The following ZDHHC12 variants were observed in gnomAD, a reference collection of about 807,000 sequenced individuals.
ZDHHC12 encodes the protein palmitoyltransferase ZDHHC12.
In ZDHHC12, 26 loss-of-function variants were observed where a neutral mutation model predicts 33.2. That is an observed-to-expected ratio of 0.78 (90% confidence interval 0.57 to 1.09). The LOEUF (loss-of-function observed/expected upper bound fraction) is 1.09, where lower values mean the gene tolerates loss of function less well. Among genes scored for constraint, ZDHHC12 ranks in the 50% least tolerant of loss-of-function variants. ZDHHC12 has a pLI of 0.00. For synonymous variants in ZDHHC12, 154 were observed against 152.1 expected (o/e 1.01, Z -0.09); for missense variants, 350 against 353.0 (o/e 0.99, Z 0.07).
chr9:128,724,040 G>A lies in ZDHHC12; in HGVS notation c.54C>T (p.Thr18=), dbSNP rs144221145. The A allele has an allele frequency of 1.9e-4, 313 of 1,611,988 alleles. 1 individual carries two copies. The South Asian group carries it at 2.8e-3, about 15-fold the overall frequency. The change falls in exon 1 of 5, where the codon ACC becomes ACT. Residue 18 remains threonine (T), a synonymous_variant. Coordinates refer to ENST00000372663, the MANE Select transcript of ZDHHC12 (RefSeq NM_032799.5). ...SPGVLVRTGH[T]VLTWGITLVL... ...CCAGCGTGATTCCCCAGGTCAGCAC[G>A]GTGTGCCCGGTCCGCACCAGGACCC...
Position 128,721,199 on chromosome 9 carries a change from G to A in ZDHHC12, c.786C>T (p.Gly262=). The change falls in exon 5 of 5, where the codon GGC becomes GGT. Residue 262 remains glycine (G), a synonymous_variant. Transcript: ENST00000372663. This position sits in a 1 kb window ranked among gnomAD's most constrained non-coding sequence, Gnocchi z 6.9. ...AGCAACCCTAAACAGCTGGGCTGCT[G>A]CCCTCTTCCTCCTCCTCAGCCCAGA... ...ETLWAEEEEE[G]SSPAV is the part of the protein sequence containing the mutation. The A allele has an allele frequency of 6.3e-7, 1 of 1,589,548 alleles. No individual in the cohort carries two copies. The highest frequency in any genetic ancestry group is 8.5e-7 in the Non-Finnish European group (1 of 1,170,246).
chr9:128,721,226 G>A lies in ZDHHC12; in HGVS notation c.759C>T (p.Thr253=), dbSNP rs1189561435. The change falls in exon 5 of 5, where the codon ACC becomes ACT. Residue 253 remains threonine, a synonymous_variant. Coordinates refer to ENST00000372663, the MANE Select transcript of ZDHHC12 (RefSeq NM_032799.5). This position sits in a 1 kb window ranked among gnomAD's most constrained non-coding sequence, Gnocchi z 6.9. ...CCTCTTCCTCCTCCTCAGCCCAGAG[G>A]GTCTCCCAGGACCCTGAGGGCCATC... is the stretch of plus-strand genomic sequence containing the variant. The part of the protein sequence containing the change: ...FCGWPSGSWE[T]LWAEEEEEGS... 1.2e-6 allele frequency: 2 copies of A among 1,603,686 alleles called. No individual in the cohort carries two copies. The highest frequency in any genetic ancestry group is 2.2e-5 in the East Asian group (1 of 44,642).
rs574845378 is a variant in ZDHHC12, at chr9:128,722,275, T to G, written c.237+163A>C. On this transcript the variant is annotated intron_variant, in intron 2 of 4. Coordinates refer to ENST00000372663, the MANE Select transcript of ZDHHC12 (RefSeq NM_032799.5). This position sits in a 1 kb window ranked among gnomAD's most constrained non-coding sequence, Gnocchi z 4.2. ...CTGTGTATGTTTGCAAGTCTCTTCC[T>G]TCTCTGGGGCCCAGCAGTTTCCTCA... 2.0e-4 allele frequency among the ~76,000 whole-genome samples: 31 copies of G among 152,216 alleles called. No individual in the cohort carries two copies. The South Asian group carries it at 6.4e-3, about 32-fold the overall frequency.
Position 128,721,729 on chromosome 9 carries a change from C to T in ZDHHC12, c.404G>A (p.Gly135Glu). The T allele has an allele frequency of 6.2e-7, 1 of 1,613,914 alleles. No homozygotes were observed. The highest frequency in any genetic ancestry group is 8.5e-7 in the Non-Finnish European group (1 of 1,179,992). Residue 135 changes from glycine (G) to glutamate (E), a missense_variant, in exon 4 of 5, where the codon GGA becomes GAA. By Grantham distance (98) the Gly-to-Glu change is moderately conservative. Coordinates refer to ENST00000372663, the MANE Select transcript of ZDHHC12 (RefSeq NM_032799.5). This position sits in a 1 kb window ranked among gnomAD's most constrained non-coding sequence, Gnocchi z 6.9. ...CACAAAGAGTGGGTGGTTGCGCTCT[C>T]CCACACAGTTCTCCATCCAGGGGCA... ...HHCPWMENCV[G>E]ERNHPLFVVY...
chr9:128,722,030 G>A lies in ZDHHC12; in HGVS notation c.294C>T (p.Arg98=). The change falls in exon 3 of 5, where the codon CGC becomes CGT. Residue 98 remains arginine (R), a synonymous_variant. Transcript: ENST00000372663. The surrounding 1 kb of genome is among the most constrained non-coding windows in gnomAD (Gnocchi z 4.2). Reference sequence around the variant, plus strand: ...TCACCAGCACCAGGCAGTATCTGCAGCGCCGAAGAGGGATGGCTGGAGGAA... The same window carrying A: ...TCACCAGCACCAGGCAGTATCTGCAACGCCGAAGAGGGATGGCTGGAGGAA... ...AMVPPAIPLR[R]CRYCLVLQPL... is the part of the protein sequence containing the mutation. 1 of 1,614,082 alleles carries A rather than the reference G, an allele frequency of 6.2e-7. No homozygotes were observed. Among genetic ancestry groups the A allele is most frequent in the Non-Finnish European group, 8.5e-7 (1 of 1,180,002 alleles).
In ZDHHC12 at chr9:128,721,704, C is replaced by G. The variant is rs1169227081; in HGVS notation, c.429G>C (p.Val143=). Residue 143 remains valine, a synonymous_variant, in exon 4 of 5, where the codon GTG becomes GTC. Transcript: ENST00000372663. This position sits in a 1 kb window ranked among gnomAD's most constrained non-coding sequence, Gnocchi z 6.9. ...CCACCAGCTGCAGCGCCAGGTAGAC[C>G]ACAAAGAGTGGGTGGTTGCGCTCTC... The part of the protein sequence containing the change: ...CVGERNHPLF[V]VYLALQLVVL... 1.9e-6 allele frequency: 3 copies of G among 1,613,926 alleles called. No individual in the cohort carries two copies. In the East Asian group the frequency reaches 6.7e-5, roughly 36 times the overall value.
chr9:128,722,450 CTGCACAT>C lies in ZDHHC12; in HGVS notation c.218_224del (p.Asn73SerfsTer34). 2 of 1,522,498 alleles carry C rather than the reference CTGCACAT, an allele frequency of 1.3e-6. No individual in the cohort carries two copies. The highest frequency in any genetic ancestry group is 1.8e-6 in the Non-Finnish European group (2 of 1,131,654). 94.3% of individuals were successfully genotyped at this position (1,522,498 alleles called of 1,614,324 possible). The stretch of plus-strand genomic sequence containing the variant: ...GGCCCCTGGTTACCTGAGGCTGGGG[CTGCACAT>C]TCACGTAGCCAGGGTCCATGAGTGA... On this transcript the variant is annotated frameshift_variant, in exon 2 of 5. Coordinates refer to ENST00000372663, the MANE Select transcript of ZDHHC12 (RefSeq NM_032799.5). LOFTEE classifies it high-confidence loss of function. This position sits in a 1 kb window ranked among gnomAD's most constrained non-coding sequence, Gnocchi z 4.2.
Position 128,722,885 on chromosome 9 carries a change from AAGTG to A in ZDHHC12, c.101-315_101-312del, listed in dbSNP as rs886963866. On this transcript the variant is annotated intron_variant, in intron 1 of 4. Transcript: ENST00000372663. The surrounding 1 kb of genome is among the most constrained non-coding windows in gnomAD (Gnocchi z 4.2). ...AGAGTCGCTACAAAGGCCTGGCAGG[AAGTG>A]AGGGAGGAAGGAATGGACAGGGGGC... 1 of 665,308 alleles carries A rather than the reference AAGTG, an allele frequency of 1.5e-6. No individual in the cohort carries two copies. The highest frequency in any genetic ancestry group is 2.2e-6 in the Non-Finnish European group (1 of 464,032). The allele number at this position is 665,308 out of a possible 1,614,324, so 41.2% of individuals were successfully genotyped here.
In ZDHHC12 at chr9:128,723,762, G is replaced by A; in HGVS notation, c.100+232C>T. On this transcript the variant is annotated intron_variant, in intron 1 of 4. Transcript: ENST00000372663. The surrounding 1 kb of genome is among the most constrained non-coding windows in gnomAD (Gnocchi z 4.4). ...CACCGGCTGGGTCCTGGGATGGACA[G>A]GGCATTTGGCAATGATCAGGAAGAT... 1 of 661,564 alleles carries A rather than the reference G, an allele frequency of 1.5e-6. No individual in the cohort carries two copies. Among genetic ancestry groups the A allele is most frequent in the Admixed American group, 3.0e-5 (1 of 33,004 alleles). 41.0% of individuals were successfully genotyped at this position (661,564 alleles called of 1,614,324 possible).
In ZDHHC12 at chr9:128,721,215, T is replaced by A; in HGVS notation, c.770A>T (p.Glu257Val). ...TGGGCTGCTGCCCTCTTCCTCCTCCTCAGCCCAGAGGGTCTCCCAGGACCC... is the reference window on the plus strand; with the variant it reads ...TGGGCTGCTGCCCTCTTCCTCCTCCACAGCCCAGAGGGTCTCCCAGGACCC... ...PSGSWETLWA[E>V]EEEEGSSPAV is the part of the protein sequence containing the mutation. Residue 257 changes from glutamate to valine, a missense_variant, in exon 5 of 5, where the codon GAG (glutamate) becomes GTG (valine). Coordinates refer to ENST00000372663, the MANE Select transcript of ZDHHC12 (RefSeq NM_032799.5). The surrounding 1 kb of genome is among the most constrained non-coding windows in gnomAD (Gnocchi z 6.9). 1 of 1,600,284 alleles carries A rather than the reference T, an allele frequency of 6.2e-7. No homozygotes were observed. The highest frequency in any genetic ancestry group is 8.5e-7 in the Non-Finnish European group (1 of 1,174,652).
In ZDHHC12 at chr9:128,723,455, A is replaced by G. The variant is rs975042565; in HGVS notation, c.100+539T>C. 2.5e-5 allele frequency: 4 copies of G among 157,280 alleles called. No homozygotes were observed. Among genetic ancestry groups the G allele is most frequent in the Non-Finnish European group, 5.6e-5 (4 of 71,852 alleles). 9.7% of individuals were successfully genotyped at this position (157,280 alleles called of 1,614,324 possible). A position where few individuals can be genotyped will look rare whatever the true frequency, so the allele number is the denominator to read the frequency against. ...CGCTGGGTAGGGGGCTACTAAGAGG[A>G]ATGAGGGAAATGGAGGTGGGTGGGT... On this transcript the variant is annotated intron_variant, in intron 1 of 4. Coordinates refer to ENST00000372663, the MANE Select transcript of ZDHHC12 (RefSeq NM_032799.5). This position sits in a 1 kb window ranked among gnomAD's most constrained non-coding sequence, Gnocchi z 4.4.
At position 128,721,282 on chromosome 9, in the gene ZDHHC12, G is replaced by A. The variant is rs1862539017; in HGVS notation, c.703C>T (p.Leu235=). ...QRPSNPFDRG[L]TRNLAHFFCG... is the part of the protein sequence containing the mutation. ...AAGAAGTGGGCCAGGTTGCGGGTCAGGCCTCGGTCGAAGGGGTTGCTGGGG... is the reference window on the plus strand; with the variant it reads ...AAGAAGTGGGCCAGGTTGCGGGTCAAGCCTCGGTCGAAGGGGTTGCTGGGG... The change falls in exon 5 of 5, where the codon CTG becomes TTG. Residue 235 remains leucine, a synonymous_variant. Coordinates refer to ENST00000372663, the MANE Select transcript of ZDHHC12 (RefSeq NM_032799.5). The surrounding 1 kb of genome is among the most constrained non-coding windows in gnomAD (Gnocchi z 6.9). The A allele has an allele frequency of 1.3e-6, 2 of 1,599,032 alleles. No homozygotes were observed. The highest frequency in any genetic ancestry group is 1.7e-6 in the Non-Finnish European group (2 of 1,172,754).
At position 128,721,400 on chromosome 9, in the gene ZDHHC12, G is replaced by C. The variant is rs745461690; in HGVS notation, c.585C>G (p.Ser195Arg). ...LLLSLFSLVA[S>R]LLLVSHLYLV... ...GGTAGAGGTGCGAGACGAGGAGCAG[G>C]CTGGCCACCAACGAGAAGAGGGACA... Residue 195 changes from serine to arginine, a missense_variant, in exon 5 of 5, where the codon AGC (serine) becomes AGG (arginine). Physicochemically the swap from Ser to Arg is moderately radical, Grantham distance 110 (BLOSUM62 -1). Coordinates refer to ENST00000372663, the MANE Select transcript of ZDHHC12 (RefSeq NM_032799.5). The surrounding 1 kb of genome is among the most constrained non-coding windows in gnomAD (Gnocchi z 6.9). The C allele has an allele frequency of 1.4e-5, 22 of 1,580,810 alleles. No homozygotes were observed. Among genetic ancestry groups the C allele is most frequent in the Non-Finnish European group, 1.9e-5 (22 of 1,163,622 alleles).
chr9:128,722,443 G>A lies in ZDHHC12; in HGVS notation c.232C>T (p.Pro78Ser), dbSNP rs928128173. 2.6e-6 allele frequency: 4 copies of A among 1,511,160 alleles called. No homozygotes were observed. The highest frequency in any genetic ancestry group is 2.8e-5 in the African/African-American group (2 of 72,140). The allele number at this position is 1,511,160 out of a possible 1,614,324, so 93.6% of individuals were successfully genotyped here. Residue 78 changes from proline to serine, a missense_variant, in exon 2 of 5, where the codon CCT (proline) becomes TCT (serine). Pro to Ser is a moderately conservative substitution (Grantham distance 74, BLOSUM62 -1). Coordinates refer to ENST00000372663, the MANE Select transcript of ZDHHC12 (RefSeq NM_032799.5). This position sits in a 1 kb window ranked among gnomAD's most constrained non-coding sequence, Gnocchi z 4.2. The stretch of plus-strand genomic sequence containing the variant: ...GAGTAGGGGCCCCTGGTTACCTGAG[G>A]CTGGGGCTGCACATTCACGTAGCCA... Reference protein sequence around the residue: ...DPGYVNVQPQPQEELKEEQTA... With the variant: ...DPGYVNVQPQSQEELKEEQTA...
Position 128,721,951 on chromosome 9 carries a change from G to A in ZDHHC12, c.315+58C>T, listed in dbSNP as rs1862573199. The A allele has an allele frequency of 6.2e-7, 1 of 1,612,006 alleles. No individual in the cohort carries two copies. ...AGGCCCAGGCAGTGGGGCAGGAGGAGGTCGAGGAGTCTCAGCTTTGGCCCA... is the reference window on the plus strand; with the variant it reads ...AGGCCCAGGCAGTGGGGCAGGAGGAAGTCGAGGAGTCTCAGCTTTGGCCCA... On this transcript the variant is annotated intron_variant, in intron 3 of 4. Coordinates refer to ENST00000372663, the MANE Select transcript of ZDHHC12 (RefSeq NM_032799.5). This position sits in a 1 kb window ranked among gnomAD's most constrained non-coding sequence, Gnocchi z 6.9.
Position 128,722,162 on chromosome 9 carries a change from C to T in ZDHHC12, c.238-76G>A. On this transcript the variant is annotated intron_variant, in intron 2 of 4. Transcript: ENST00000372663. This position sits in a 1 kb window ranked among gnomAD's most constrained non-coding sequence, Gnocchi z 4.2. ...CATTGGCGGGCAGCTCCCCTAGGGG[C>T]CGGCTTAGCTCTGGGTATGGAGTTT... 1.3e-6 allele frequency: 2 copies of T among 1,559,956 alleles called. No individual in the cohort carries two copies. The highest frequency in any genetic ancestry group is 2.2e-5 in the South Asian group (2 of 89,140).
Position 128,722,817 on chromosome 9 carries a change from CA to C in ZDHHC12, c.101-244del, listed in dbSNP as rs1862609886. Reference sequence around the variant, plus strand: ...AAACCTCATTGCTAAAGAAATGGATCAGGGGAAGCCTGGGGGCAGAGAATCT... The same window carrying C: ...AAACCTCATTGCTAAAGAAATGGATCGGGGAAGCCTGGGGGCAGAGAATCT... On this transcript the variant is annotated intron_variant, in intron 1 of 4. Transcript: ENST00000372663. This position sits in a 1 kb window ranked among gnomAD's most constrained non-coding sequence, Gnocchi z 4.2. The C allele has an allele frequency of 9.9e-6, 13 of 1,307,394 alleles. No individual in the cohort carries two copies. The highest frequency in any genetic ancestry group is 1.5e-5 in the African/African-American group (1 of 65,118). The allele number at this position is 1,307,394 out of a possible 1,614,324, so 81.0% of individuals were successfully genotyped here.
rs2132349714 is a variant in ZDHHC12 at position 128,721,891 on chromosome 9, G to T, written c.316-74C>A. 5 of 1,599,358 alleles carry T rather than the reference G, an allele frequency of 3.1e-6. No homozygotes were observed. The East Asian group carries it at 8.9e-5, about 29-fold the overall frequency. On this transcript the variant is annotated intron_variant, in intron 3 of 4. Coordinates refer to ENST00000372663, the MANE Select transcript of ZDHHC12 (RefSeq NM_032799.5). This position sits in a 1 kb window ranked among gnomAD's most constrained non-coding sequence, Gnocchi z 6.9. The stretch of plus-strand genomic sequence containing the variant: ...CCCACCACTGAGGGAAGGAATCAGG[G>T]CCTGATTCTGGAAGGCCTTCTTGGA...
Position 128,723,747 on chromosome 9 carries a change from G to A in ZDHHC12, c.100+247C>T. On this transcript the variant is annotated intron_variant, in intron 1 of 4. Coordinates refer to ENST00000372663, the MANE Select transcript of ZDHHC12 (RefSeq NM_032799.5). The surrounding 1 kb of genome is among the most constrained non-coding windows in gnomAD (Gnocchi z 4.4). Reference sequence around the variant, plus strand: ...CTTGGATCTGGTGGGCACCGGCTGGGTCCTGGGATGGACAGGGCATTTGGC... The same window carrying A: ...CTTGGATCTGGTGGGCACCGGCTGGATCCTGGGATGGACAGGGCATTTGGC... The A allele has an allele frequency of 1.7e-6, 1 of 598,826 alleles. No homozygotes were observed. Among genetic ancestry groups the A allele is most frequent in the Non-Finnish European group, 2.8e-6 (1 of 355,668 alleles). 37.1% of individuals were successfully genotyped at this position (598,826 alleles called of 1,614,324 possible).
Sources: gnomAD v4.1 joint callset for allele counts (sites outside exome capture counted in the v4.1 genomes callset) on GRCh38, gnomAD v4.1.1 for gene constraint, Gnocchi (gnomAD v3.1) non-coding constraint, MANE v1.5 for transcripts, NCBI Gene and HGNC (gene_info 2026-07-23, HGNC 2026-07-21) for gene names.